MAGI2: variants seen among roughly 807,000 people sequenced by gnomAD.
The protein encoded by MAGI2 is membrane-associated guanylate kinase, WW and PDZ domain-containing protein 2.
A neutral mutation model predicts 133.3 loss-of-function variants in MAGI2; 35 were observed. The observed-to-expected ratio is 0.26, with a 90% CI of 0.20 to 0.35. MAGI2 has a LOEUF of 0.35. MAGI2 is among the 10% of genes least tolerant of loss of function. The probability of loss-of-function intolerance (pLI) is 1.00; values close to 1 mark genes in which losing one functional copy is unlikely to be tolerated. For missense variants in MAGI2, 1,636 were observed against 1,863.4 expected, an observed-to-expected ratio of 0.88 and a Z score of 2.25; for synonymous variants, 729 against 710.6, an observed-to-expected ratio of 1.03 and a Z score of -0.41.
chr7:78,421,821 A>G (rs1036781406), intron 6 of MAGI2, among the ~76,000 whole-genome samples: 63 of 152,260 alleles, frequency 4.1e-4, no homozygotes, highest in Admixed American at 2.7e-3. Flanking sequence ...ACAAAAACAT[A>G]AACAAAAACA....
chr7:78,558,233 A>G (rs1800025552), intron 3 of MAGI2, among the ~76,000 whole-genome samples: 3 of 152,178 alleles, frequency 2.0e-5, no homozygotes, highest in Admixed American at 2.0e-4. Context: ...TGAAACAGAG[A>G]ACAAAGAAAG....
chr7:78,256,342 A>T lies in MAGI2; in HGVS notation c.1648T>A (p.Tyr550Asn). The T allele has an allele frequency of 1.2e-6, 2 of 1,613,934 alleles. No homozygotes were observed. The highest frequency in any genetic ancestry group is 1.7e-6 in the Non-Finnish European group (2 of 1,179,974). ...ACTGACTGTGAGGTCCGAGAAATGT[A>T]CTCCAAATATGTTTCATAGTTGTGT... ...GRHNYETYLE[Y>N]ISRTSQSVPD... The change falls in exon 10 of 22, where the codon TAC (tyrosine) becomes AAC (asparagine). Residue 550 changes from tyrosine (Y) to asparagine (N), a missense_variant. By Grantham distance (143) the Tyr-to-Asn change is moderately radical. Coordinates refer to ENST00000354212, the MANE Select transcript of MAGI2 (RefSeq NM_012301.4).
At chr7:79,359,421 A>C (rs904020577) in intron 1 of MAGI2, among the ~76,000 whole-genome samples, 2 of 152,230 alleles carry the variant, frequency 1.3e-5, no homozygotes, top group African/African-American at 4.8e-5. Flanking sequence ...AGGCTGAATA[A>C]ATATTTTAAA....
At position 78,501,802 on chromosome 7, in the gene MAGI2, G is replaced by A; in HGVS notation, c.755-15C>T. ...TTCACTGGATTCTATAAGAGAACAA[G>A]AGCACGTGGTTAGTCACTCCAACCA... On this transcript the variant is annotated splice_polypyrimidine_tract_variant and intron_variant, in intron 4 of 21. Transcript: ENST00000354212. 6.2e-7 allele frequency: 1 copy of A among 1,607,502 alleles called. No individual in the cohort carries two copies.
chr7:78,140,478 A>C (rs1822633900), intron 16 of MAGI2, among the ~76,000 whole-genome samples: 1 of 152,234 alleles, frequency 6.6e-6, no homozygotes, highest in Non-Finnish European at 1.5e-5. Context: ...GAAGTTCCTG[A>C]AATGAGTGTG....
intron 3 of MAGI2, among the ~76,000 whole-genome samples, chr7:78,569,618 A>G (rs914834418): frequency 3.3e-5 from 5 of 152,390 alleles, no homozygotes; most frequent in African/African-American, 7.2e-5. Context: ...TCATTCCAAC[A>G]GTAATATTTA....
At chr7:79,192,794 G>C (rs756267623) in intron 1 of MAGI2, among the ~76,000 whole-genome samples, 1 of 151,818 alleles carries the variant, frequency 6.6e-6, no homozygotes, top group Non-Finnish European at 1.5e-5. Flanking sequence ...AAATGGGTAG[G>C]CTTTTAATAG....
In MAGI2 at chr7:79,010,231, A is replaced by G. The variant is rs554407159; in HGVS notation, c.302-3025T>C. Among the ~76,000 whole-genome samples, 5 of 5,870 alleles carry G rather than the reference A, an allele frequency of 8.5e-4. No individual in the cohort carries two copies. The South Asian group carries it at 0.058, about 68-fold the overall frequency. 3.9% of individuals were successfully genotyped at this position (5,870 alleles called of 152,430 possible). A position where few individuals can be genotyped will look rare whatever the true frequency, so the allele number is the denominator to read the frequency against. ...CGTGTTATATGTATGTGTGATACAT[A>G]TGTATATGTATGTATGTGTGATACA... On this transcript the variant is annotated intron_variant, in intron 1 of 21. Coordinates refer to ENST00000354212, the MANE Select transcript of MAGI2 (RefSeq NM_012301.4).
chr7:78,811,045 C>G (rs1233128865), intron 2 of MAGI2, among the ~76,000 whole-genome samples: 1 of 151,876 alleles, frequency 6.6e-6, no homozygotes, highest in African/African-American at 2.4e-5. Flanking sequence ...TTTATCCTTG[C>G]TATCAATTAA....
chr7:78,256,118 T>C lies in MAGI2; in HGVS notation c.1872A>G (p.Thr624=). The C allele has an allele frequency of 1.1e-5, 17 of 1,613,866 alleles. No homozygotes were observed. The highest frequency in any genetic ancestry group is 1.4e-5 in the Non-Finnish European group (17 of 1,179,924). ...GFGFTIADSP[T]GQRVKQILDI... is the part of the protein sequence containing the mutation. ...CAAGTATTTGTTTCACCCGCTGTCC[T>C]GTAGGACTGTCGGCAATAGTGAAGC... Residue 624 remains threonine (T), a synonymous_variant, in exon 10 of 22, where the codon ACA becomes ACG. Transcript: ENST00000354212.
chr7:78,913,287 C>G (rs940025702), intron 2 of MAGI2, among the ~76,000 whole-genome samples: 1 of 151,874 alleles, frequency 6.6e-6, no homozygotes, highest in African/African-American at 2.4e-5. Flanking sequence ...TAGCACAATC[C>G]CCTTGGTGCT....
chr7:78,480,200 C>T (rs1792205235), intron 6 of MAGI2, among the ~76,000 whole-genome samples: 1 of 151,688 alleles, frequency 6.6e-6, no homozygotes, highest in Admixed American at 6.6e-5. Flanking sequence ...TAATTAAAAT[C>T]CTCTTGAAAA....
At chr7:79,154,276 G>T (rs143178828) in intron 1 of MAGI2, among the ~76,000 whole-genome samples, 188 of 152,260 alleles carry the variant, frequency 1.2e-3, no homozygotes, top group African/African-American at 4.4e-3. Context: ...AAGAAGTCTT[G>T]CCTTCAGCAT....
At chr7:78,116,972 A>G (rs1165786456) in intron 20 of MAGI2, among the ~76,000 whole-genome samples, 2 of 151,778 alleles carry the variant, frequency 1.3e-5, no homozygotes. Context: ...GTTTATCAGA[A>G]TAGACTTAAA....
intron 17 of MAGI2, chr7:78,134,749 T>C (rs902043523): frequency 6.4e-6 from 2 of 314,128 alleles, no homozygotes; most frequent in Non-Finnish European, 1.2e-5. Flanking sequence ...AGGGAATGAT[T>C]GAATAACCTG....
intron 1 of MAGI2, among the ~76,000 whole-genome samples, chr7:79,120,702 T>G (rs1314090712): frequency 6.6e-6 from 1 of 152,074 alleles, no homozygotes; most frequent in East Asian, 1.9e-4. Flanking sequence ...CTTAGTGTTT[T>G]TGTTACTTGA....
At chr7:79,449,861 C>G (rs1374398773) in intron 1 of MAGI2, among the ~76,000 whole-genome samples, 1 of 92,070 alleles carries the variant, frequency 1.1e-5, no homozygotes, top group Non-Finnish European at 2.3e-5. Context: ...AGTGTAGAAA[C>G]ACTGTGAGAT....
At chr7:78,613,173 C>T (rs1744596611) in intron 3 of MAGI2, among the ~76,000 whole-genome samples, 1 of 152,114 alleles carries the variant, frequency 6.6e-6, no homozygotes, top group African/African-American at 2.4e-5. Flanking sequence ...AATCAGGGTA[C>T]ATTATATCAG....
chr7:79,053,175 A>G (rs1562835626), intron 1 of MAGI2, among the ~76,000 whole-genome samples: 1 of 152,016 alleles, frequency 6.6e-6, no homozygotes, highest in Non-Finnish European at 1.5e-5. Flanking sequence ...GGGTTTCACC[A>G]CATTAGCTAG....
Sources: allele counts gnomAD v4.1 joint callset (sites outside exome capture counted in the v4.1 genomes callset), GRCh38; gene constraint gnomAD v4.1.1; transcripts MANE v1.5; gene names NCBI Gene and HGNC (gene_info 2026-07-23, HGNC 2026-07-21).